The following INF2 variants were observed in gnomAD, a reference collection of about 807,000 sequenced individuals.
The protein encoded by INF2 is inverted formin 2, also known as inverted formin-2.
Under a neutral mutation model 123.5 loss-of-function variants are expected in INF2, and 43 were observed. That is an observed-to-expected ratio of 0.35 (90% CI 0.27 to 0.45). The LOEUF is 0.45. INF2 is among the 20% of genes least tolerant of loss of function. The pLI is 1.00. For synonymous variants in INF2, 851 were observed against 745.0 expected (o/e 1.14, Z -2.32); for missense variants, 1,453 against 1,682.7 (o/e 0.86, Z 2.39).
At chr14:104,685,394 C>T (rs1294596328), upstream of INF2, among the ~76,000 whole-genome samples, 4 of 152,142 alleles carry the variant, frequency 2.6e-5, no homozygotes, top group Non-Finnish European at 5.9e-5. Flanking sequence ...AGAGGCTCCA[C>T]AAGGGGCTGC....
chr14:104,706,806 A>G, intron 6 of INF2, 104 bp from the exon 7 acceptor site: 1 of 1,306,592 alleles, frequency 7.7e-7, no homozygotes, highest in Non-Finnish European at 1.1e-6. Flanking sequence ...ATCCGTGGGA[A>G]TAGAGGGGGT....
At position 104,707,038 on chromosome 14, in the gene INF2, C is replaced by T. The variant is rs1431308390; in HGVS notation, c.972C>T (p.Leu324=). 1.3e-6 allele frequency: 2 copies of T among 1,581,844 alleles called. 1 individual carries two copies. The highest frequency in any genetic ancestry group is 2.3e-5 in the South Asian group (2 of 87,904). Reference sequence around the variant, plus strand: ...AGAGCCTCGTGAACCGGGCCGTGCTCCTGGCCAGCGATGGTGAGGGGGCGG... The same window carrying T: ...AGAGCCTCGTGAACCGGGCCGTGCTTCTGGCCAGCGATGGTGAGGGGGCGG... ...ALESLVNRAV[L]LASDAQECTL... is the part of the protein sequence containing the mutation. The change falls in exon 7 of 23, where the codon CTC becomes CTT. Residue 324 remains leucine, a synonymous_variant. Coordinates refer to ENST00000392634, the MANE Select transcript of INF2 (RefSeq NM_022489.4).
Position 104,701,855 on chromosome 14 carries a change from A to G in INF2, c.391+99A>G, listed in dbSNP as rs962498573. On this transcript the variant is annotated intron_variant, in intron 2 of 22. Transcript: ENST00000392634. ...CCGGGAGGCCTGGGGAACCACCAGGAGGAAGCGCAGCCAGGCAGGCAAGGA... is the reference window on the plus strand; with the variant it reads ...CCGGGAGGCCTGGGGAACCACCAGGGGGAAGCGCAGCCAGGCAGGCAAGGA... The G allele has an allele frequency of 1.2e-5, 16 of 1,308,912 alleles. No homozygotes were observed. In the African/African-American group the frequency reaches 1.9e-4, roughly 16 times the overall value. 81.1% of individuals were successfully genotyped at this position (1,308,912 alleles called of 1,614,324 possible).
At chr14:104,709,192 G>T in intron 10 of INF2, 89 bp from the exon 11 acceptor site, 1 of 1,002,648 alleles carries the variant, frequency 1.0e-6, no homozygotes, top group Non-Finnish European at 1.5e-6. Context: ...TGACTACGTG[G>T]GGAAACCCTG....
intron 1 of INF2, among the ~76,000 whole-genome samples, chr14:104,695,117 C>A (rs923017480): frequency 1.3e-5 from 2 of 152,238 alleles, no homozygotes; most frequent in East Asian, 3.9e-4. Flanking sequence ...GCCCTCATTG[C>A]CCAGCAGACC....
intron 1 of INF2, among the ~76,000 whole-genome samples, chr14:104,682,468 C>T (rs775805293): frequency 2.0e-4 from 31 of 152,238 alleles, no homozygotes; most frequent in Middle Eastern, 3.4e-3. Context: ...TGCAGTGGGG[C>T]GCGGGGCAGG....
At chr14:104,692,375 A>G (rs190006528) in intron 1 of INF2, among the ~76,000 whole-genome samples, 28 of 152,348 alleles carry the variant, frequency 1.8e-4, no homozygotes, top group African/African-American at 6.3e-4. Flanking sequence ...CAGAGCCTGG[A>G]GCCCAGCCCC....
rs13379430 is a variant in INF2, at chr14:104,714,128, G to A, written c.3041-75G>A. On this transcript the variant is annotated intron_variant, in intron 20 of 22. Coordinates refer to ENST00000392634, the MANE Select transcript of INF2 (RefSeq NM_022489.4). ...TTTGCAGGGCGTTCAGGTAGACAGC[G>A]GAATGGAGGAGGCTGCACCTGGGCT... 9.6e-3 allele frequency: 12,432 copies of A among 1,294,226 alleles called. 891 individuals carry two copies. The African/African-American group carries it at 0.16, about 16-fold the overall frequency. 80.2% of individuals were successfully genotyped at this position (1,294,226 alleles called of 1,614,324 possible).
At chr14:104,691,171 C>T (rs1323212166) in intron 1 of INF2, 1 of 152,268 alleles carries the variant, frequency 6.6e-6, no homozygotes, top group East Asian at 1.9e-4. Flanking sequence ...TGACGGCTGT[C>T]AAGCGAATGA....
intron 5 of INF2, 135 bp downstream of exon 5, chr14:104,704,084 C>T (rs1889664254): frequency 6.6e-7 from 1 of 1,518,688 alleles, no homozygotes; most frequent in African/African-American, 1.4e-5. Context: ...TCGGAGTAAC[C>T]CCAGGGGTCC....
intron 8 of INF2, 144 bp from the exon 9 acceptor site, chr14:104,708,292 G>C: frequency 9.4e-7 from 1 of 1,067,212 alleles, no homozygotes; most frequent in Non-Finnish European, 1.3e-6. Context: ...AGGGAGGTAG[G>C]GTGCCTGCTG....
At chr14:104,709,744 C>T in intron 12 of INF2, 39 bp downstream of exon 12, 1 of 1,564,092 alleles carries the variant, frequency 6.4e-7, no homozygotes, top group African/African-American at 1.3e-5. Context: ...GCCTGGGCCC[C>T]AGGTGGGAGG....
In INF2 at chr14:104,707,055, AG is replaced by A. The variant is rs1273300522; in HGVS notation, c.985+9del. Reference sequence around the variant, plus strand: ...GCCGTGCTCCTGGCCAGCGATGGTGAGGGGGCGGGGCAGGGGCGTAGGCACA... The same window carrying A: ...GCCGTGCTCCTGGCCAGCGATGGTGAGGGGCGGGGCAGGGGCGTAGGCACA... On this transcript the variant is annotated splice_donor_5th_base_variant and intron_variant, in intron 7 of 22. Coordinates refer to ENST00000392634, the MANE Select transcript of INF2 (RefSeq NM_022489.4). 2.5e-6 allele frequency: 4 copies of A among 1,574,800 alleles called. No individual in the cohort carries two copies. The highest frequency in any genetic ancestry group is 8.6e-7 in the Non-Finnish European group (1 of 1,168,658).
rs781312267 is a variant in INF2, at chr14:104,703,073, C to T, written c.392-32C>T. 9 of 1,550,334 alleles carry T rather than the reference C, an allele frequency of 5.8e-6. No homozygotes were observed. In the East Asian group the frequency reaches 1.8e-4, roughly 31 times the overall value. ...ACAGGCATGGGAAGGGGTGCATTGG[C>T]CCTGCTGAGCCTGCCCACTCCACCC... On this transcript the variant is annotated intron_variant, in intron 2 of 22. Transcript: ENST00000392634.
rs1005300090 is a variant in INF2 at position 104,699,648 on chromosome 14, G to A, written c.-9-1709G>A. ...CAAGAGGGCCGGGCCTGGGAGGGTG[G>A]CTTAAAACCACAGTGCACCGGGGGC... On this transcript the variant is annotated intron_variant, in intron 1 of 22. Coordinates refer to ENST00000392634, the MANE Select transcript of INF2 (RefSeq NM_022489.4). This position sits in a 1 kb window ranked among gnomAD's most constrained non-coding sequence, Gnocchi z 4.7. The A allele has an allele frequency of 6.5e-5, 62 of 955,816 alleles. No individual in the cohort carries two copies. The highest frequency in any genetic ancestry group is 7.7e-5 in the Non-Finnish European group (62 of 803,026). 59.2% of individuals were successfully genotyped at this position (955,816 alleles called of 1,614,324 possible).
At chr14:104,689,135 G>C (rs956348278), upstream of INF2, 56 of 891,638 alleles carry the variant, frequency 6.3e-5, no homozygotes, top group African/African-American at 9.7e-4. Context: ...TGATGGGTAG[G>C]CTCTCTCTCC....
chr14:104,717,389 G>A (rs886396723), intron 22 of INF2, among the ~76,000 whole-genome samples: 12 of 151,992 alleles, frequency 7.9e-5, no homozygotes, highest in African/African-American at 1.9e-4. Flanking sequence ...GGCAGGGTCC[G>A]CTGTGGGGCG....
In INF2 at chr14:104,713,476, G is replaced by T. The variant is rs1490088771; in HGVS notation, c.2910G>T (p.Val970=). Residue 970 remains valine, a synonymous_variant, in exon 20 of 23, where the codon GTG becomes GTT. Transcript: ENST00000392634. The part of the protein sequence containing the change: ...VRKGPGKQEE[V]CVIDALLADI... ...AGGGGCCCGGGAAGCAGGAGGAGGT[G>T]TGTGTCATCGATGCCCTGCTGGCTG... 1 of 1,611,584 alleles carries T rather than the reference G, an allele frequency of 6.2e-7. No individual in the cohort carries two copies.
Position 104,722,253 on chromosome 14 carries a change from A to G in INF2, c.*3460A>G, listed in dbSNP as rs1192389758. On this transcript the variant is annotated 3_prime_UTR_variant, in exon 23 of 23. Transcript: ENST00000392634. Reference sequence around the variant, plus strand: ...CCTGCCCCTACCCGGGCCCGTGGCTATTTATAGTCCGGGCCTGGAGAAGTC... The same window carrying G: ...CCTGCCCCTACCCGGGCCCGTGGCTGTTTATAGTCCGGGCCTGGAGAAGTC... 2 of 152,224 alleles carry G rather than the reference A, an allele frequency of 1.3e-5. No individual in the cohort carries two copies. Among genetic ancestry groups the G allele is most frequent in the Admixed American group, 6.5e-5 (1 of 15,276 alleles). The allele number at this position is 152,224 out of a possible 1,614,324, so 9.4% of individuals were successfully genotyped here.
Sources: allele counts gnomAD v4.1 joint callset (sites outside exome capture counted in the v4.1 genomes callset), GRCh38; gene constraint gnomAD v4.1.1; non-coding constraint Gnocchi (gnomAD v3.1); transcripts MANE v1.5; gene names NCBI Gene and HGNC (gene_info 2026-07-23, HGNC 2026-07-21).